Variants in PEX5L observed in about 807,000 individuals in gnomAD.
The protein encoded by PEX5L is PEX5-related protein.
PEX5L carries 30 observed loss-of-function variants against 84.0 expected under a neutral mutation model. That is an observed-to-expected ratio of 0.36 (90% CI 0.27 to 0.48). PEX5L has a LOEUF of 0.48. PEX5L is among the 20% of genes least tolerant of loss of function. PEX5L has a pLI of 0.99. For missense variants in PEX5L, 533 were observed against 754.6 expected, an observed-to-expected ratio of 0.71 and a Z score of 3.44; for synonymous variants, 270 against 283.1, an observed-to-expected ratio of 0.95 and a Z score of 0.46.
In PEX5L at chr3:179,997,155, C is replaced by T. The variant is rs1787959188; in HGVS notation, c.22-25490G>A. ...TGTTAATCTTTCTCCTATCCTTCCC[C>T]AAGGAGACCTCCAGCCTTTTATCAG... On this transcript the variant is annotated intron_variant, in intron 1 of 14. Transcript: ENST00000467460. 2.0e-5 allele frequency among the ~76,000 whole-genome samples: 3 copies of T among 152,120 alleles called. No individual in the cohort carries two copies. The South Asian group carries it at 6.2e-4, about 32-fold the overall frequency.
intron 8 of PEX5L, among the ~76,000 whole-genome samples, chr3:179,857,922 T>A (rs1412725832): frequency 6.6e-6 from 1 of 152,220 alleles, no homozygotes; most frequent in East Asian, 1.9e-4. Context: ...AGCTTTTTTT[T>A]AATTAAAAAA....
intron 11 of PEX5L, among the ~76,000 whole-genome samples, chr3:179,810,131 A>G (rs1186196794): frequency 1.4e-5 from 2 of 144,358 alleles, no homozygotes; most frequent in African/African-American, 5.1e-5. Flanking sequence ...TTCCTGCCTC[A>G]GCGTCCGAAT....
At chr3:179,866,406 T>G (rs1041299604) in intron 7 of PEX5L, among the ~76,000 whole-genome samples, 3 of 152,210 alleles carry the variant, frequency 2.0e-5, no homozygotes, top group African/African-American at 7.2e-5. Flanking sequence ...GTTTACCATT[T>G]ACTACCACCT....
At chr3:179,888,356 G>C (rs1174452622) in intron 3 of PEX5L, among the ~76,000 whole-genome samples, 4 of 152,048 alleles carry the variant, frequency 2.6e-5, no homozygotes, top group Non-Finnish European at 5.9e-5. Flanking sequence ...TTTTGGGAGA[G>C]TAGAAAATAT....
chr3:179,929,203 CCAAA>C lies in PEX5L; in HGVS notation c.94-30961_94-30958del, dbSNP rs554004747. On this transcript the variant is annotated intron_variant, in intron 2 of 14. Coordinates refer to ENST00000467460, the MANE Select transcript of PEX5L (RefSeq NM_016559.3). ...TTTTTAAGGGATTAGCTCTAGCCTCCCAAACAGTTAAAAATCAGGTTGCTTCCCT... is the reference window on the plus strand; with the variant it reads ...TTTTTAAGGGATTAGCTCTAGCCTCCCAGTTAAAAATCAGGTTGCTTCCCT... 1.8e-3 allele frequency among the ~76,000 whole-genome samples: 271 copies of C among 152,112 alleles called. 6 individuals are homozygous for C. The South Asian group carries it at 0.042, about 24-fold the overall frequency.
intron 2 of PEX5L, among the ~76,000 whole-genome samples, chr3:179,911,722 C>G (rs543579916): frequency 6.6e-6 from 1 of 152,260 alleles, no homozygotes; most frequent in Non-Finnish European, 1.5e-5. Context: ...AAGTCTGGAT[C>G]TGGTCCATTA....
At chr3:179,863,183 C>A (rs1007803734) in intron 7 of PEX5L, among the ~76,000 whole-genome samples, 2 of 151,998 alleles carry the variant, frequency 1.3e-5, no homozygotes, top group African/African-American at 4.8e-5. Context: ...ATACAAAAAC[C>A]AACTCAAAAT....
intron 1 of PEX5L, among the ~76,000 whole-genome samples, chr3:180,015,787 T>A (rs1374262215): frequency 6.6e-6 from 1 of 151,196 alleles, no homozygotes; most frequent in Non-Finnish European, 1.5e-5. Flanking sequence ...AGGGCAATGA[T>A]AGAAGAGATT....
intron 3 of PEX5L, among the ~76,000 whole-genome samples, chr3:179,894,004 T>C (rs1758411022): frequency 6.6e-6 from 1 of 152,054 alleles, no homozygotes; most frequent in Non-Finnish European, 1.5e-5. Flanking sequence ...CCTCAAGTGA[T>C]ACTCCCATAT....
At chr3:180,027,474 C>T (rs1791069444) in intron 1 of PEX5L, among the ~76,000 whole-genome samples, 1 of 152,070 alleles carries the variant, frequency 6.6e-6, no homozygotes, top group Non-Finnish European at 1.5e-5. Context: ...ATCTTTCATT[C>T]CTTCTCCCTC....
At chr3:179,928,665 C>T (rs990658131) in intron 2 of PEX5L, among the ~76,000 whole-genome samples, 3 of 152,228 alleles carry the variant, frequency 2.0e-5, no homozygotes, top group Non-Finnish European at 4.4e-5. Flanking sequence ...ACCGGAAGCA[C>T]AGTTCTGTGT....
intron 2 of PEX5L, among the ~76,000 whole-genome samples, chr3:179,930,101 C>A (rs943998094): frequency 6.6e-6 from 1 of 152,178 alleles, no homozygotes; most frequent in Admixed American, 6.5e-5. Flanking sequence ...CGGCCCCACT[C>A]AAACCCACTG....
At chr3:179,978,295 G>T (rs546155539) in intron 1 of PEX5L, among the ~76,000 whole-genome samples, 11 of 152,214 alleles carry the variant, frequency 7.2e-5, no homozygotes, top group African/African-American at 2.6e-4. Context: ...TATTTTCCAA[G>T]ATTTCAAAAA....
chr3:180,011,415 C>T (rs1789471040), intron 1 of PEX5L, among the ~76,000 whole-genome samples: 1 of 152,250 alleles, frequency 6.6e-6, no homozygotes, highest in African/African-American at 2.4e-5. Context: ...CACTGTATAT[C>T]GTAAGAAAAC....
intron 12 of PEX5L, 144 bp downstream of exon 12, chr3:179,809,327 G>T (rs929238221): frequency 4.7e-6 from 3 of 644,728 alleles, no homozygotes; most frequent in African/African-American, 3.6e-5. Context: ...TTTCTAACGA[G>T]TGATGCTCCT....
intron 2 of PEX5L, 59 bp downstream of exon 2, chr3:179,971,535 G>C (rs1391112441): frequency 1.3e-6 from 2 of 1,536,946 alleles, no homozygotes; most frequent in East Asian, 2.4e-5. Context: ...CACTCAAAAG[G>C]CTTTAGTCAT....
At chr3:179,990,608 TC>T (rs1480976205) in intron 1 of PEX5L, among the ~76,000 whole-genome samples, 1 of 152,110 alleles carries the variant, frequency 6.6e-6, no homozygotes, top group African/African-American at 2.4e-5. Flanking sequence ...TCAATATGTT[TC>T]CCAGGCTGGT....
chr3:179,879,971 C>G lies in PEX5L; in HGVS notation c.463G>C (p.Gly155Arg). ...GTCTCCGGGACTCTGAGAGGCTGGC[C>G]TCTCTGCTCAGCATCCGTGCTGATG... Reference protein sequence around the residue: ...DLISTDAEQRGQPLRVPETSS... With the variant: ...DLISTDAEQRRQPLRVPETSS... Residue 155 changes from glycine to arginine, a missense_variant, in exon 5 of 15, where the codon GGC becomes CGC. Physicochemically the swap from Gly to Arg is moderately radical, Grantham distance 125. Transcript: ENST00000467460. The G allele has an allele frequency of 5.0e-6, 8 of 1,609,234 alleles. No homozygotes were observed. The highest frequency in any genetic ancestry group is 6.8e-6 in the Non-Finnish European group (8 of 1,178,530).
At chr3:179,916,018 TAAATC>T (rs1766935845) in intron 2 of PEX5L, among the ~76,000 whole-genome samples, 1 of 152,184 alleles carries the variant, frequency 6.6e-6, no homozygotes. Context: ...GAGAATAACT[TAAATC>T]AAAGCCAGTA....
Sources: gnomAD v4.1 joint callset for allele counts (sites outside exome capture counted in the v4.1 genomes callset) on GRCh38, gnomAD v4.1.1 for gene constraint, MANE v1.5 for transcripts, NCBI Gene and HGNC (gene_info 2026-07-23, HGNC 2026-07-21) for gene names.